Variants in ANAPC16 observed in about 807,000 individuals in gnomAD.
The protein encoded by ANAPC16 is anaphase promoting complex subunit 16.
In ANAPC16, 6 loss-of-function variants were observed where a neutral mutation model predicts 13.1. The observed-to-expected ratio is 0.46, with a 90% CI of 0.25 to 0.90. The LOEUF is 0.90. Among genes scored for constraint, ANAPC16 ranks in the 40% least tolerant of loss-of-function variants. The probability of loss-of-function intolerance (pLI) is 0.18; values close to 1 mark genes in which losing one functional copy is unlikely to be tolerated. For missense variants in ANAPC16, 113 were observed against 131.1 expected (o/e 0.86, Z 0.67); for synonymous variants, 55 against 51.3 (o/e 1.07, Z -0.31).
intron 2 of ANAPC16, among the ~76,000 whole-genome samples, chr10:72,225,968 G>C (rs544446267): frequency 3.3e-5 from 5 of 151,132 alleles, no homozygotes; most frequent in South Asian, 2.1e-4. Context: ...CTTGATTCTA[G>C]TATTTTAGTG....
chr10:72,228,984 C>G (rs543032445), intron 2 of ANAPC16, among the ~76,000 whole-genome samples: 86 of 152,206 alleles, frequency 5.7e-4, no homozygotes, highest in African/African-American at 2.0e-3. Flanking sequence ...GTGTGTAATC[C>G]TAAAGTTCAG....
At chr10:72,222,595 G>A (rs977051086) in intron 1 of ANAPC16, among the ~76,000 whole-genome samples, 2 of 151,670 alleles carry the variant, frequency 1.3e-5, no homozygotes, top group Non-Finnish European at 2.9e-5. Flanking sequence ...TGGCCAACGT[G>A]GTGAAACCCC....
At chr10:72,218,164 AAATATATAT>A (rs1859705198) in intron 1 of ANAPC16, among the ~76,000 whole-genome samples, 1 of 22,076 alleles carries the variant, frequency 4.5e-5, no homozygotes, top group East Asian at 1.3e-3. Context: ...AAAAAAAAAA[AAATATATAT>A]ATATATATAT....
intron 1 of ANAPC16, chr10:72,220,449 A>C (rs984513563): frequency 1.3e-5 from 2 of 152,028 alleles, no homozygotes; most frequent in African/African-American, 2.4e-5. Context: ...CCAGGAGTTC[A>C]TACCAGTCTA....
At chr10:72,218,437 C>T (rs375434241) in intron 1 of ANAPC16, among the ~76,000 whole-genome samples, 1 of 151,774 alleles carries the variant, frequency 6.6e-6, no homozygotes. Flanking sequence ...TTACGTTGCA[C>T]ATGACAAATA....
intron 1 of ANAPC16, chr10:72,220,772 T>G (rs1197845675): frequency 6.8e-6 from 1 of 146,130 alleles, no homozygotes; most frequent in Non-Finnish European, 1.5e-5. Context: ...GGTGAAGTGG[T>G]GTTTACAGTA....
At chr10:72,226,779 G>C (rs913394429) in intron 2 of ANAPC16, among the ~76,000 whole-genome samples, 1 of 152,130 alleles carries the variant, frequency 6.6e-6, no homozygotes, top group Non-Finnish European at 1.5e-5. Flanking sequence ...ATTTGTGACA[G>C]GAAACCACGG....
chr10:72,218,261 G>A (rs1859744168), intron 1 of ANAPC16, among the ~76,000 whole-genome samples: 1 of 139,628 alleles, frequency 7.2e-6, no homozygotes, highest in South Asian at 2.2e-4. Context: ...ATCAGACCTT[G>A]GCGATGACCT....
intron 3 of ANAPC16, 79 bp from the exon 4 acceptor site, chr10:72,232,922 C>T (rs1860368594): frequency 1.8e-6 from 2 of 1,137,756 alleles, no homozygotes; most frequent in African/African-American, 1.5e-5. Flanking sequence ...ATTTTTATAC[C>T]AGTCATCATC....
chr10:72,216,704 G>T (rs983653021), intron 1 of ANAPC16: 5 of 393,204 alleles, frequency 1.3e-5, no homozygotes, highest in African/African-American at 1.1e-4. Flanking sequence ...TGAATGCGAG[G>T]TCATCCCTGC....
At chr10:72,229,874 T>C (rs1860242139) in intron 2 of ANAPC16, among the ~76,000 whole-genome samples, 1 of 152,212 alleles carries the variant, frequency 6.6e-6, no homozygotes, top group Non-Finnish European at 1.5e-5. Flanking sequence ...TTCCCAGCAG[T>C]GTTCTGTGAT....
At chr10:72,219,029 C>T (rs1443310877) in intron 1 of ANAPC16, among the ~76,000 whole-genome samples, 3 of 152,152 alleles carry the variant, frequency 2.0e-5, no homozygotes, top group African/African-American at 7.2e-5. Flanking sequence ...CTGCTCAGCA[C>T]CTGACTTCAA....
chr10:72,232,917 T>G (rs1860368426), intron 3 of ANAPC16, 84 bp from the exon 4 acceptor site: 1 of 1,111,606 alleles, frequency 9.0e-7, no homozygotes, highest in Non-Finnish European at 1.4e-6. Context: ...AAATTATTTT[T>G]ATACCAGTCA....
chr10:72,222,808 C>A (rs893967204), intron 1 of ANAPC16, among the ~76,000 whole-genome samples: 3 of 152,178 alleles, frequency 2.0e-5, no homozygotes, highest in African/African-American at 7.2e-5. Flanking sequence ...AAAGAAAATA[C>A]CATATACACT....
At chr10:72,225,886 C>G (rs1238503909) in intron 2 of ANAPC16, among the ~76,000 whole-genome samples, 3 of 141,600 alleles carry the variant, frequency 2.1e-5, no homozygotes, top group Non-Finnish European at 3.0e-5. Flanking sequence ...GGTGACAGAG[C>G]AAGACTCTGT....
chr10:72,221,476 A>G (rs570194945), intron 1 of ANAPC16, among the ~76,000 whole-genome samples: 1 of 151,962 alleles, frequency 6.6e-6, no homozygotes, highest in African/African-American at 2.4e-5. Flanking sequence ...GCAGTGCAGA[A>G]ATAGAACACT....
intron 2 of ANAPC16, among the ~76,000 whole-genome samples, chr10:72,228,906 G>C (rs899505139): frequency 3.9e-5 from 6 of 152,174 alleles, no homozygotes; most frequent in African/African-American, 1.4e-4. Flanking sequence ...CAAGTGAGAG[G>C]TGGCACTTTC....
intron 1 of ANAPC16, among the ~76,000 whole-genome samples, chr10:72,218,157 AAAAAAAAAAT>A (rs1859666183): frequency 2.0e-5 from 1 of 50,288 alleles, no homozygotes; most frequent in Non-Finnish European, 3.5e-5. Flanking sequence ...AAAAAAAAAA[AAAAAAAAAAT>A]ATATATATAT....
intron 3 of ANAPC16, among the ~76,000 whole-genome samples, 157 bp from the exon 4 acceptor site, chr10:72,232,844 T>G (rs1804002473): frequency 6.6e-6 from 1 of 152,096 alleles, no homozygotes; most frequent in African/African-American, 2.4e-5. Context: ...GACCTCGTGA[T>G]CCGCCCGCCT....
Sources: gnomAD v4.1 joint callset for allele counts (sites outside exome capture counted in the v4.1 genomes callset) on GRCh38, gnomAD v4.1.1 for gene constraint, MANE v1.5 for transcripts, NCBI Gene and HGNC (gene_info 2026-07-23, HGNC 2026-07-21) for gene names.